The following TAFA4 variants were observed in gnomAD, a reference collection of about 807,000 sequenced individuals.
TAFA4 encodes the protein chemokine-like protein TAFA-4.
A neutral mutation model predicts 21.1 loss-of-function variants in TAFA4; 20 were observed. That is an observed-to-expected ratio of 0.95 (90% CI 0.67 to 1.38). The LOEUF is 1.38. Among genes scored for constraint, TAFA4 ranks in the 40% most tolerant of loss-of-function variants. The pLI is 0.00. For missense variants in TAFA4, 211 were observed against 180.9 expected (o/e 1.17, Z -0.95); for synonymous variants, 71 against 67.4 (o/e 1.05, Z -0.26).
Position 68,738,811 on chromosome 3 carries a change from C to T in TAFA4, c.411+264G>A, listed in dbSNP as rs141684479. On this transcript the variant is annotated intron_variant, in intron 5 of 5. Coordinates refer to ENST00000295569, the MANE Select transcript of TAFA4 (RefSeq NM_182522.5). ...CGACTCTGAAACCTTTACTTTAAAT[C>T]GGGCTTGTGAAGAAGCTGAAATGAA... Among the ~76,000 whole-genome samples the T allele has an allele frequency of 4.1e-3, 622 of 152,264 alleles. 5 individuals carry two copies. Among genetic ancestry groups the T allele is most frequent in the African/African-American group, 0.014 (598 of 41,540 alleles).
rs115203109 is a variant in TAFA4 at position 68,907,640 on chromosome 3, G to T, written c.-122-22330C>A. Among the ~76,000 whole-genome samples the T allele has an allele frequency of 4.7e-3, 715 of 152,258 alleles. 8 individuals carry two copies. Among genetic ancestry groups the T allele is most frequent in the African/African-American group, 0.016 (666 of 41,558 alleles). ...ACAGGGGAGAGGGGACACTGTTTCA[G>T]GGAAGTGAGATCCAAAATAAGGTAC... On this transcript the variant is annotated intron_variant, in intron 1 of 5. Transcript: ENST00000295569.
At chr3:68,931,821 A>G (rs1031909218) in intron 1 of TAFA4, among the ~76,000 whole-genome samples, 15 of 152,206 alleles carry the variant, frequency 9.9e-5, no homozygotes, top group African/African-American at 3.4e-4. Flanking sequence ...TGCTCCTAGA[A>G]AGATCCTAGC....
intron 3 of TAFA4, among the ~76,000 whole-genome samples, chr3:68,833,631 G>A (rs1261959002): frequency 6.6e-6 from 1 of 152,080 alleles, no homozygotes; most frequent in African/African-American, 2.4e-5. Flanking sequence ...AACTTAAATA[G>A]CATGTAAATA....
rs576062912 is a variant in TAFA4 at position 68,736,772 on chromosome 3, T to G, written c.411+2303A>C. Reference sequence around the variant, plus strand: ...ATTTACTCTATGTGCATAAGATCCATAAAAGACATAAAATGTTTTATGCAG... The same window carrying G: ...ATTTACTCTATGTGCATAAGATCCAGAAAAGACATAAAATGTTTTATGCAG... On this transcript the variant is annotated intron_variant, in intron 5 of 5. Transcript: ENST00000295569. Among the ~76,000 whole-genome samples, 3 of 152,246 alleles carry G rather than the reference T, an allele frequency of 2.0e-5. No individual in the cohort carries two copies. In the East Asian group the frequency reaches 5.8e-4, roughly 29 times the overall value.
intron 1 of TAFA4, among the ~76,000 whole-genome samples, chr3:68,923,508 C>T (rs1333670690): frequency 3.9e-5 from 6 of 152,074 alleles, no homozygotes; most frequent in South Asian, 4.1e-4. Flanking sequence ...ACAACTCCAA[C>T]GAGAAGCAAA....
At chr3:68,897,197 T>C (rs2106976177) in intron 1 of TAFA4, among the ~76,000 whole-genome samples, 1 of 152,238 alleles carries the variant, frequency 6.6e-6, no homozygotes, top group East Asian at 1.9e-4. Flanking sequence ...CCACCACGCC[T>C]GGCCTAATCT....
intron 3 of TAFA4, among the ~76,000 whole-genome samples, chr3:68,761,249 T>G (rs1232479148): frequency 6.6e-6 from 1 of 152,252 alleles, no homozygotes; most frequent in African/African-American, 2.4e-5. Flanking sequence ...TAAATGCCTT[T>G]TGGCTTTTAT....
intron 3 of TAFA4, among the ~76,000 whole-genome samples, chr3:68,770,339 C>T (rs1191406585): frequency 2.0e-5 from 3 of 152,050 alleles, no homozygotes; most frequent in Admixed American, 1.3e-4. Context: ...CAGCTCAGGA[C>T]AGGTTGATGA....
At chr3:68,772,855 T>G (rs545649216) in intron 3 of TAFA4, among the ~76,000 whole-genome samples, 1 of 152,194 alleles carries the variant, frequency 6.6e-6, no homozygotes. Flanking sequence ...CATCCGTCAA[T>G]CCATCCATCC....
chr3:68,746,458 T>C (rs1653971614), intron 4 of TAFA4, among the ~76,000 whole-genome samples: 2 of 152,206 alleles, frequency 1.3e-5, no homozygotes, highest in Non-Finnish European at 1.5e-5. Context: ...TAAGAAAACA[T>C]CTTCCTAGAA....
chr3:68,840,102 G>A (rs1364074330), intron 3 of TAFA4, among the ~76,000 whole-genome samples: 1 of 152,174 alleles, frequency 6.6e-6, no homozygotes, highest in East Asian at 1.9e-4. Flanking sequence ...CAGAAAAGAT[G>A]GAGATGGTGA....
chr3:68,894,363 T>C (rs1292289508), intron 1 of TAFA4, among the ~76,000 whole-genome samples: 1 of 152,192 alleles, frequency 6.6e-6, no homozygotes, highest in Non-Finnish European at 1.5e-5. Flanking sequence ...TTTTGCCATG[T>C]TGCCCAGGCT....
intron 1 of TAFA4, among the ~76,000 whole-genome samples, chr3:68,926,076 A>G (rs2090105548): frequency 6.6e-6 from 1 of 152,162 alleles, no homozygotes; most frequent in Non-Finnish European, 1.5e-5. Context: ...TACTAAAAAT[A>G]CAAAAATTAG....
At chr3:68,924,479 G>C (rs1158658536) in intron 1 of TAFA4, among the ~76,000 whole-genome samples, 1 of 152,176 alleles carries the variant, frequency 6.6e-6, no homozygotes, top group Middle Eastern at 3.2e-3. Flanking sequence ...AACTAGAAGG[G>C]GGAAATGGGA....
chr3:68,785,332 G>A (rs1397013381), intron 3 of TAFA4, among the ~76,000 whole-genome samples: 1 of 152,256 alleles, frequency 6.6e-6, no homozygotes. Flanking sequence ...GCCCTTGGGT[G>A]GTCGATGGGA....
At chr3:68,910,881 TA>T (rs1230402099) in intron 1 of TAFA4, among the ~76,000 whole-genome samples, 5 of 152,162 alleles carry the variant, frequency 3.3e-5, no homozygotes, top group African/African-American at 7.2e-5. Context: ...AAAACATCAA[TA>T]AAAGGTTAAC....
At chr3:68,850,799 C>T (rs993401227) in intron 3 of TAFA4, among the ~76,000 whole-genome samples, 1 of 151,724 alleles carries the variant, frequency 6.6e-6, no homozygotes, top group Non-Finnish European at 1.5e-5. Context: ...GACAGATGGA[C>T]AGACTGCAAA....
chr3:68,749,593 TACATCC>T (rs1440160522), intron 4 of TAFA4, among the ~76,000 whole-genome samples: 2 of 152,204 alleles, frequency 1.3e-5, no homozygotes, highest in African/African-American at 4.8e-5. Context: ...AAATCAGACA[TACATCC>T]CAACCAAAGC....
chr3:68,855,598 A>G (rs751507477), intron 3 of TAFA4, among the ~76,000 whole-genome samples: 1 of 152,112 alleles, frequency 6.6e-6, no homozygotes, highest in African/African-American at 2.4e-5. Context: ...AGACAAACTG[A>G]TAAGTAGGGG....
Sources: gnomAD v4.1 joint callset for allele counts (sites outside exome capture counted in the v4.1 genomes callset) on GRCh38, gnomAD v4.1.1 for gene constraint, MANE v1.5 for transcripts, NCBI Gene and HGNC (gene_info 2026-07-23, HGNC 2026-07-21) for gene names.